KCNIP4: variants seen among roughly 807,000 people sequenced by gnomAD.
The protein encoded by KCNIP4 is potassium voltage-gated channel interacting protein 4, also known as Kv channel-interacting protein 4.
KCNIP4 carries 12 observed loss-of-function variants against 34.0 expected under a neutral mutation model. That is an observed-to-expected ratio of 0.35 (90% confidence interval 0.23 to 0.57). KCNIP4 has a LOEUF of 0.57. Among genes scored for constraint, KCNIP4 ranks in the 20% least tolerant of loss-of-function variants. The probability of loss-of-function intolerance (pLI) is 0.83; values close to 1 mark genes in which losing one functional copy is unlikely to be tolerated. For synonymous variants in KCNIP4, 124 were observed against 102.2 expected, an observed-to-expected ratio of 1.21 and a Z score of -1.29; for missense variants, 238 against 311.7, an observed-to-expected ratio of 0.76 and a Z score of 1.78.
At chr4:21,692,913 TTG>T (rs2109047165) in intron 1 of KCNIP4, among the ~76,000 whole-genome samples, 1 of 150,998 alleles carries the variant, frequency 6.6e-6, no homozygotes, top group African/African-American at 2.4e-5. Context: ...GGTACTTCCT[TTG>T]TGTGAGATGT....
chr4:21,443,085 T>C (rs78656588), intron 1 of KCNIP4, among the ~76,000 whole-genome samples: 1 of 152,192 alleles, frequency 6.6e-6, no homozygotes, highest in African/African-American at 2.4e-5. Context: ...CGACAAAACT[T>C]ATCAACATTG....
chr4:21,444,948 G>A (rs542681797), intron 1 of KCNIP4, among the ~76,000 whole-genome samples: 2 of 152,194 alleles, frequency 1.3e-5, no homozygotes, highest in South Asian at 4.2e-4. Flanking sequence ...AAATCAATGT[G>A]CAAAAATCAC....
chr4:21,529,551 CTTCT>C (rs1400575582), intron 1 of KCNIP4, among the ~76,000 whole-genome samples: 1 of 152,010 alleles, frequency 6.6e-6, no homozygotes, highest in Non-Finnish European at 1.5e-5. Flanking sequence ...TTTTTTTTAT[CTTCT>C]TTTTCTTCAA....
chr4:21,213,505 T>C (rs1471268092), intron 1 of KCNIP4, among the ~76,000 whole-genome samples: 1 of 152,108 alleles, frequency 6.6e-6, no homozygotes, highest in Non-Finnish European at 1.5e-5. Context: ...TTTCACCAAG[T>C]TGGCCAGGCT....
chr4:20,857,977 C>T (rs546052339), intron 2 of KCNIP4, among the ~76,000 whole-genome samples: 10 of 151,618 alleles, frequency 6.6e-5, no homozygotes, highest in African/African-American at 2.2e-4. Flanking sequence ...GAGAGGCCGA[C>T]GTGGGTGGAT....
chr4:21,028,189 C>T (rs1227454498), intron 1 of KCNIP4, among the ~76,000 whole-genome samples: 4 of 152,070 alleles, frequency 2.6e-5, no homozygotes, highest in Admixed American at 1.3e-4. Flanking sequence ...TTGTCACTGT[C>T]CTGATCAGAG....
chr4:21,497,372 C>A (rs1258088370), intron 1 of KCNIP4, among the ~76,000 whole-genome samples: 1 of 152,048 alleles, frequency 6.6e-6, no homozygotes, highest in Non-Finnish European at 1.5e-5. Flanking sequence ...CCATTCTTAC[C>A]AAGTAACTCA....
chr4:21,666,067 T>G (rs537063860), intron 1 of KCNIP4, among the ~76,000 whole-genome samples: 1 of 152,266 alleles, frequency 6.6e-6, no homozygotes. Flanking sequence ...ATTTCTCTGT[T>G]GCTCCTGCCT....
chr4:21,488,713 AG>A (rs60910894), intron 1 of KCNIP4, among the ~76,000 whole-genome samples: 19,540 of 152,144 alleles, frequency 0.13, 2,415 homozygotes, highest in African/African-American at 0.32. Context: ...CAGTGTTGGC[AG>A]GTGGGTAAAT....
chr4:21,049,581 C>G (rs1254143826), intron 1 of KCNIP4, among the ~76,000 whole-genome samples: 1 of 152,166 alleles, frequency 6.6e-6, no homozygotes, highest in Non-Finnish European at 1.5e-5. Flanking sequence ...AGTCTTTACC[C>G]TCTTTCTGGT....
At chr4:20,945,606 CAGG>C (rs1732113144) in intron 1 of KCNIP4, among the ~76,000 whole-genome samples, 1 of 151,988 alleles carries the variant, frequency 6.6e-6, no homozygotes. Context: ...TGTGTGTGAG[CAGG>C]AGTTCTAGGT....
rs192052678 is a variant in KCNIP4 at position 21,791,807 on chromosome 4, G to A, written c.61+156764C>T. Among the ~76,000 whole-genome samples the A allele has an allele frequency of 8.7e-3, 1,328 of 152,010 alleles. 21 individuals carry two copies. Among genetic ancestry groups the A allele is most frequent in the African/African-American group, 0.03 (1,263 of 41,418 alleles). The stretch of plus-strand genomic sequence containing the variant: ...ACCTGAGGTCAGGAGTTTGAGACCA[G>A]CCTGGCCAACATGGTGAAACCCCTT... On this transcript the variant is annotated intron_variant, in intron 1 of 8. Transcript: ENST00000382152.
intron 1 of KCNIP4, among the ~76,000 whole-genome samples, chr4:21,435,247 G>A (rs189681108): frequency 1.1e-4 from 17 of 152,276 alleles, no homozygotes; most frequent in East Asian, 3.9e-4. Context: ...ATGCGGACAC[G>A]TGAATATATG....
Position 20,764,112 on chromosome 4 carries a change from G to A in KCNIP4, c.289-5222C>T, listed in dbSNP as rs117474119. On this transcript the variant is annotated intron_variant, in intron 3 of 8. Coordinates refer to ENST00000382152, the MANE Select transcript of KCNIP4 (RefSeq NM_025221.6). ...CTGCAAGCTTCTACTAACCCTTATG[G>A]TTCTGTATTCTATTTTCTAATGAAA... Among the ~76,000 whole-genome samples the A allele has an allele frequency of 1.8e-4, 28 of 152,080 alleles. No homozygotes were observed. The East Asian group carries it at 5.4e-3, about 29-fold the overall frequency.
chr4:21,029,126 T>C (rs1432871083), intron 1 of KCNIP4, among the ~76,000 whole-genome samples: 1 of 152,184 alleles, frequency 6.6e-6, no homozygotes, highest in Non-Finnish European at 1.5e-5. Context: ...AAAATGTAAA[T>C]GCAGCCTTTC....
In KCNIP4 at chr4:21,768,982, G is replaced by A. The variant is rs575931057; in HGVS notation, c.61+179589C>T. Among the ~76,000 whole-genome samples, 78 of 151,610 alleles carry A rather than the reference G, an allele frequency of 5.1e-4. 1 individual carries two copies. The South Asian group carries it at 0.016, about 30-fold the overall frequency. The stretch of plus-strand genomic sequence containing the variant: ...ATTTGTTTGATGTAGCAATATCCTC[G>A]TTTTAAAACCTTATACTCAGCTCTA... On this transcript the variant is annotated intron_variant, in intron 1 of 8. Coordinates refer to ENST00000382152, the MANE Select transcript of KCNIP4 (RefSeq NM_025221.6).
rs956900870 is a variant in KCNIP4, at chr4:21,844,336, C to G, written c.61+104235G>C. The G allele has an allele frequency of 5.7e-4, 86 of 152,064 alleles. 1 individual carries two copies. The highest frequency in any genetic ancestry group is 6.8e-3 in the Middle Eastern group (2 of 294). 9.4% of individuals were successfully genotyped at this position (152,064 alleles called of 1,614,324 possible). Reference sequence around the variant, plus strand: ...TACATTTTGTATACGTTATATGCTTCAAATGTTTTTAAATAAATATAATAC... The same window carrying G: ...TACATTTTGTATACGTTATATGCTTGAAATGTTTTTAAATAAATATAATAC... On this transcript the variant is annotated intron_variant, in intron 1 of 8. Coordinates refer to ENST00000382152, the MANE Select transcript of KCNIP4 (RefSeq NM_025221.6).
At chr4:21,367,469 A>C (rs1578135533) in intron 1 of KCNIP4, among the ~76,000 whole-genome samples, 9 of 148,504 alleles carry the variant, frequency 6.1e-5, no homozygotes, top group African/African-American at 2.1e-4. Flanking sequence ...TGGAGACTCT[A>C]CCTAACTGGA....
chr4:20,948,478 G>A (rs1732431152), intron 1 of KCNIP4, among the ~76,000 whole-genome samples: 1 of 152,196 alleles, frequency 6.6e-6, no homozygotes, highest in Non-Finnish European at 1.5e-5. Flanking sequence ...ATCCGGGAGA[G>A]GAGAGATATT....
Sources: gnomAD v4.1 joint callset for allele counts (sites outside exome capture counted in the v4.1 genomes callset) on GRCh38, gnomAD v4.1.1 for gene constraint, MANE v1.5 for transcripts, NCBI Gene and HGNC (gene_info 2026-07-23, HGNC 2026-07-21) for gene names.